Variants in CDH2 observed in about 807,000 individuals in gnomAD.
CDH2 encodes the protein cadherin-2.
In CDH2, 17 loss-of-function variants were observed where a neutral mutation model predicts 92.0. The observed-to-expected ratio is 0.18, with a 90% CI of 0.13 to 0.28. The LOEUF is 0.28. Ranked by LOEUF, CDH2 falls within the 10% of genes least tolerant of loss-of-function variation. The pLI, the probability that CDH2 is intolerant of heterozygous loss-of-function variation, is 1.00. For synonymous variants in CDH2, 419 were observed against 415.9 expected (o/e 1.01, Z -0.09); for missense variants, 862 against 1,133.1 (o/e 0.76, Z 3.44).
chr18:28,060,478 C>T (rs1011040383), intron 2 of CDH2, among the ~76,000 whole-genome samples: 6 of 152,128 alleles, frequency 3.9e-5, no homozygotes, highest in Admixed American at 2.6e-4. Context: ...TGAGCCACTG[C>T]GCCTAGCCCC....
At chr18:28,138,329 T>C (rs1412643379) in intron 2 of CDH2, among the ~76,000 whole-genome samples, 1 of 152,092 alleles carries the variant, frequency 6.6e-6, no homozygotes, top group African/African-American at 2.4e-5. Flanking sequence ...CCAGGAGTTT[T>C]AGTTAACCAC....
chr18:28,098,212 T>C (rs1269076219), intron 2 of CDH2, among the ~76,000 whole-genome samples: 1 of 152,202 alleles, frequency 6.6e-6, no homozygotes, highest in African/African-American at 2.4e-5. Context: ...ACAATTACAT[T>C]GAAGAAGATC....
At chr18:27,969,841 C>A (rs1451044288) in intron 14 of CDH2, among the ~76,000 whole-genome samples, 1 of 152,048 alleles carries the variant, frequency 6.6e-6, no homozygotes, top group Non-Finnish European at 1.5e-5. Flanking sequence ...CATGGTGCAA[C>A]CCTGTCTCTA....
chr18:28,018,496 A>G (rs552526848), intron 2 of CDH2, among the ~76,000 whole-genome samples: 8 of 152,260 alleles, frequency 5.3e-5, no homozygotes, highest in East Asian at 3.9e-4. Context: ...AAACTATACT[A>G]TAAGTCCACA....
intron 15 of CDH2, among the ~76,000 whole-genome samples, chr18:27,960,230 C>G (rs775869870): frequency 1.6e-4 from 24 of 152,118 alleles, no homozygotes; most frequent in Non-Finnish European, 2.6e-4. Context: ...GATCTGTGAT[C>G]TGAGGGAGGT....
At chr18:27,999,144 G>C (rs772575698) in intron 7 of CDH2, among the ~76,000 whole-genome samples, 10 of 152,154 alleles carry the variant, frequency 6.6e-5, no homozygotes, top group Non-Finnish European at 1.5e-4. Flanking sequence ...TTTAGGCAGA[G>C]GAAACGGGAA....
chr18:27,982,588 T>C (rs1599008298), intron 14 of CDH2, among the ~76,000 whole-genome samples: 1 of 152,216 alleles, frequency 6.6e-6, no homozygotes. Flanking sequence ...TTAGTGGTTT[T>C]TCTACCATAC....
intron 2 of CDH2, among the ~76,000 whole-genome samples, chr18:28,089,407 T>C (rs2014996215): frequency 6.6e-6 from 1 of 152,226 alleles, no homozygotes; most frequent in Non-Finnish European, 1.5e-5. Flanking sequence ...ATTATAATTA[T>C]AAAATCTTCA....
chr18:27,982,906 C>T, intron 14 of CDH2, 38 bp downstream of exon 14: 3 of 1,421,226 alleles, frequency 2.1e-6, no homozygotes, highest in Non-Finnish European at 2.9e-6. Context: ...TTTATACGAT[C>T]ATAAAATTTA....
At chr18:28,021,586 A>G (rs1020469907) in intron 2 of CDH2, among the ~76,000 whole-genome samples, 2 of 151,990 alleles carry the variant, frequency 1.3e-5, no homozygotes, top group Admixed American at 1.3e-4. Context: ...CATAAAATTA[A>G]TCACCAGGGA....
intron 2 of CDH2, among the ~76,000 whole-genome samples, chr18:28,032,106 G>A (rs556179103): frequency 1.3e-5 from 2 of 152,252 alleles, no homozygotes; most frequent in Admixed American, 1.3e-4. Flanking sequence ...CTATGGCCAA[G>A]ATGCCCCAGA....
intron 6 of CDH2, among the ~76,000 whole-genome samples, chr18:27,934,292 G>A (rs1908970945): frequency 1.3e-5 from 2 of 152,182 alleles, no homozygotes; most frequent in African/African-American, 4.8e-5. Context: ...CCAGTAGGTT[G>A]TGTCAGTTAA....
At chr18:28,090,836 T>C (rs577700352) in intron 2 of CDH2, among the ~76,000 whole-genome samples, 10 of 152,206 alleles carry the variant, frequency 6.6e-5, no homozygotes, top group Non-Finnish European at 1.0e-4. Context: ...ACATGTATCT[T>C]ACTGGTTTGG....
intron 2 of CDH2, among the ~76,000 whole-genome samples, chr18:28,063,572 C>A (rs537732903): frequency 1.3e-5 from 2 of 152,206 alleles, no homozygotes; most frequent in South Asian, 4.1e-4. Context: ...ATTAACACAT[C>A]CTAATAAAAA....
At chr18:28,116,233 A>G (rs1416435763) in intron 2 of CDH2, among the ~76,000 whole-genome samples, 2 of 152,106 alleles carry the variant, frequency 1.3e-5, no homozygotes, top group Non-Finnish European at 2.9e-5. Flanking sequence ...TTGAAATTTT[A>G]CTTTTCAATC....
At chr18:27,956,513 A>G (rs2011249922) in intron 15 of CDH2, among the ~76,000 whole-genome samples, 2 of 152,202 alleles carry the variant, frequency 1.3e-5, no homozygotes. Flanking sequence ...TTTCCTTTAC[A>G]TTCTGTCTTC....
intron 8 of CDH2, among the ~76,000 whole-genome samples, chr18:27,993,199 A>G (rs1193753171): frequency 1.3e-5 from 2 of 152,246 alleles, no homozygotes; most frequent in Non-Finnish European, 2.9e-5. Flanking sequence ...TAAATCAGTC[A>G]TGCAGCTCAT....
chr18:28,044,133 T>C (rs954727925), intron 2 of CDH2, among the ~76,000 whole-genome samples: 1 of 151,914 alleles, frequency 6.6e-6, no homozygotes, highest in African/African-American at 2.4e-5. Context: ...GGCTGGTCTT[T>C]AACTCCTGAT....
At chr18:27,955,521 C>T (rs555608212) in intron 15 of CDH2, among the ~76,000 whole-genome samples, 15 of 151,230 alleles carry the variant, frequency 9.9e-5, no homozygotes, top group Non-Finnish European at 1.9e-4. Flanking sequence ...TTTACTATGT[C>T]CAGGGAATAA....
Sources: gnomAD v4.1 joint callset for allele counts (sites outside exome capture counted in the v4.1 genomes callset) on GRCh38, gnomAD v4.1.1 for gene constraint, MANE v1.5 for transcripts, NCBI Gene and HGNC (gene_info 2026-07-23, HGNC 2026-07-21) for gene names.